NRG3: variants seen among roughly 807,000 people sequenced by gnomAD.
NRG3 encodes the protein pro-neuregulin-3, membrane-bound isoform.
NRG3 carries 31 observed loss-of-function variants against 66.9 expected under a neutral mutation model. That is an observed-to-expected ratio of 0.46 (90% confidence interval 0.35 to 0.63). The LOEUF is 0.63. Ranked by LOEUF, NRG3 falls within the 20% of genes least tolerant of loss-of-function variation. The probability of loss-of-function intolerance (pLI) is 0.00; values close to 1 mark genes in which losing one functional copy is unlikely to be tolerated. For missense variants in NRG3, 910 were observed against 878.9 expected, an observed-to-expected ratio of 1.04 and a Z score of -0.45; for synonymous variants, 393 against 359.4, an observed-to-expected ratio of 1.09 and a Z score of -1.06.
At chr10:81,962,242 T>C (rs1346092210) in intron 1 of NRG3, among the ~76,000 whole-genome samples, 1 of 152,220 alleles carries the variant, frequency 6.6e-6, no homozygotes, top group African/African-American at 2.4e-5. Context: ...ATTGTGGAGC[T>C]TAATACCCAC....
chr10:82,592,669 GTGACCC>G (rs1231961315), intron 2 of NRG3, among the ~76,000 whole-genome samples: 2 of 152,134 alleles, frequency 1.3e-5, no homozygotes, highest in African/African-American at 2.4e-5. Flanking sequence ...CAATGAAAAT[GTGACCC>G]TCATGCAGCT....
At chr10:82,188,778 G>C (rs1193506722) in intron 1 of NRG3, among the ~76,000 whole-genome samples, 2 of 152,064 alleles carry the variant, frequency 1.3e-5, no homozygotes, top group Non-Finnish European at 2.9e-5. Flanking sequence ...CCAGAGGCTG[G>C]GAAGGGTAGC....
chr10:82,858,166 G>A (rs2063912493), intron 3 of NRG3, among the ~76,000 whole-genome samples: 1 of 152,150 alleles, frequency 6.6e-6, no homozygotes, highest in Admixed American at 6.5e-5. Flanking sequence ...AGCCTTTGTT[G>A]AACCCTATTC....
intron 2 of NRG3, among the ~76,000 whole-genome samples, chr10:82,617,314 GCACACATAGACACACACA>G (rs967171061): frequency 3.7e-5 from 5 of 135,400 alleles, no homozygotes; most frequent in Admixed American, 3.7e-4. Context: ...CCACACACAC[GCACACATAGACACACACA>G]CACACAGACA....
intron 2 of NRG3, among the ~76,000 whole-genome samples, chr10:82,677,442 G>A (rs1055404150): frequency 6.6e-6 from 1 of 152,072 alleles, no homozygotes; most frequent in African/African-American, 2.4e-5. Flanking sequence ...TTTTGGTACT[G>A]ACACTTTTAC....
At chr10:82,126,369 G>T (rs944122258) in intron 1 of NRG3, among the ~76,000 whole-genome samples, 1 of 151,826 alleles carries the variant, frequency 6.6e-6, no homozygotes, top group African/African-American at 2.4e-5. Flanking sequence ...TAATTATAGG[G>T]TTATATTTCA....
At chr10:82,122,211 T>C (rs1054504068) in intron 1 of NRG3, among the ~76,000 whole-genome samples, 11 of 152,204 alleles carry the variant, frequency 7.2e-5, no homozygotes, top group African/African-American at 2.7e-4. Flanking sequence ...ATTTTTTAAT[T>C]ATAAAACCTT....
intron 3 of NRG3, among the ~76,000 whole-genome samples, chr10:82,836,436 T>C (rs558404414): frequency 6.0e-4 from 91 of 152,256 alleles, no homozygotes; most frequent in African/African-American, 1.8e-3. Context: ...GAAGCAGCAG[T>C]GGATGTATAC....
At chr10:82,718,498 T>G (rs535906323) in intron 2 of NRG3, among the ~76,000 whole-genome samples, 1 of 152,214 alleles carries the variant, frequency 6.6e-6, no homozygotes, top group African/African-American at 2.4e-5. Flanking sequence ...GATTTAAAAG[T>G]TTTTCAATTT....
intron 1 of NRG3, among the ~76,000 whole-genome samples, chr10:82,251,754 G>A (rs2077499861): frequency 6.6e-6 from 1 of 152,172 alleles, no homozygotes; most frequent in Non-Finnish European, 1.5e-5. Flanking sequence ...TGTGGTCACC[G>A]GGGTTAATGA....
chr10:82,684,771 T>A (rs1319945831), intron 2 of NRG3, among the ~76,000 whole-genome samples: 4 of 152,108 alleles, frequency 2.6e-5, no homozygotes, highest in Non-Finnish European at 5.9e-5. Context: ...GGATCAAAGC[T>A]GTGTCTTGCA....
chr10:82,012,325 G>T (rs2061612315), intron 1 of NRG3, among the ~76,000 whole-genome samples: 1 of 151,600 alleles, frequency 6.6e-6, no homozygotes, highest in Admixed American at 6.6e-5. Context: ...ACAAAGAGCA[G>T]GGGGACCCTG....
At chr10:82,026,210 A>T (rs2062298957) in intron 1 of NRG3, among the ~76,000 whole-genome samples, 1 of 152,044 alleles carries the variant, frequency 6.6e-6, no homozygotes, top group Non-Finnish European at 1.5e-5. Context: ...GTCAATTGGG[A>T]TACCACAGGT....
At chr10:82,190,861 C>T (rs371668968) in intron 1 of NRG3, among the ~76,000 whole-genome samples, 3 of 152,310 alleles carry the variant, frequency 2.0e-5, no homozygotes, top group East Asian at 3.9e-4. Context: ...GTTTTCTTCT[C>T]ATTTTTCCCC....
chr10:82,597,960 G>A (rs528237539), intron 2 of NRG3, among the ~76,000 whole-genome samples: 1 of 151,232 alleles, frequency 6.6e-6, no homozygotes, highest in Middle Eastern at 3.5e-3. Flanking sequence ...ATCTATGACC[G>A]TGACCTTACA....
intron 3 of NRG3, among the ~76,000 whole-genome samples, chr10:82,805,095 G>T (rs2061222119): frequency 6.6e-6 from 1 of 152,184 alleles, no homozygotes; most frequent in Admixed American, 6.5e-5. Context: ...ATGAACCTGT[G>T]ACAAATGAAG....
intron 3 of NRG3, among the ~76,000 whole-genome samples, chr10:82,815,604 C>T (rs111410542): frequency 5.5e-4 from 84 of 152,220 alleles, no homozygotes; most frequent in African/African-American, 1.9e-3. Flanking sequence ...CTGGAAATCT[C>T]AATATTCTCA....
chr10:82,980,263 T>G (rs892695136), intron 8 of NRG3, among the ~76,000 whole-genome samples: 1 of 152,006 alleles, frequency 6.6e-6, no homozygotes, highest in African/African-American at 2.4e-5. Flanking sequence ...CCCTGAAGAT[T>G]GTTGGGCAGA....
At chr10:82,766,870 G>T (rs1403352985) in intron 3 of NRG3, among the ~76,000 whole-genome samples, 3 of 150,158 alleles carry the variant, frequency 2.0e-5, no homozygotes, top group East Asian at 2.0e-4. Flanking sequence ...CATTTCTGTT[G>T]TTTGTTAAGA....
Sources: allele counts gnomAD v4.1 joint callset (sites outside exome capture counted in the v4.1 genomes callset), GRCh38; gene constraint gnomAD v4.1.1; transcripts MANE v1.5; gene names NCBI Gene and HGNC (gene_info 2026-07-23, HGNC 2026-07-21).